The following TTC28 variants were observed in gnomAD, a reference collection of about 807,000 sequenced individuals.
TTC28 encodes tetratricopeptide repeat domain 28.
Under a neutral mutation model 198.0 loss-of-function variants are expected in TTC28, and 61 were observed. The ratio of observed to expected loss-of-function variants is 0.31; its 90% CI spans 0.25 to 0.38. The LOEUF (loss-of-function observed/expected upper bound fraction) is 0.38. TTC28 is among the 10% of genes least tolerant of loss of function. The probability of loss-of-function intolerance (pLI) is 1.00; values close to 1 mark genes in which losing one functional copy is unlikely to be tolerated. For missense variants in TTC28, 2,678 were observed against 3,164.0 expected, an observed-to-expected ratio of 0.85 and a Z score of 3.69; for synonymous variants, 1,171 against 1,297.8, an observed-to-expected ratio of 0.90 and a Z score of 2.10.
At chr22:28,629,486 C>T in intron 2 of TTC28, 66 bp downstream of exon 2, 1 of 1,416,772 alleles carries the variant, frequency 7.1e-7, no homozygotes. Context: ...CAAAATATTA[C>T]ATTAAAGTAA....
chr22:28,073,008 G>T (rs1941049424), intron 12 of TTC28, among the ~76,000 whole-genome samples: 1 of 152,164 alleles, frequency 6.6e-6, no homozygotes, highest in African/African-American at 2.4e-5. Flanking sequence ...AGGTGGCCAG[G>T]CTAGTTCTGT....
At chr22:28,618,341 T>C (rs2050934947) in intron 2 of TTC28, among the ~76,000 whole-genome samples, 1 of 152,032 alleles carries the variant, frequency 6.6e-6, no homozygotes, top group South Asian at 2.1e-4. Flanking sequence ...TGATTTTTTA[T>C]AGAGCAAAAG....
chr22:28,581,025 T>A (rs1205994517), intron 2 of TTC28, among the ~76,000 whole-genome samples: 1 of 152,186 alleles, frequency 6.6e-6, no homozygotes, highest in African/African-American at 2.4e-5. Flanking sequence ...ATTTTATACA[T>A]CCAATATGGT....
At chr22:28,476,370 G>GGA (rs752197920) in intron 2 of TTC28, among the ~76,000 whole-genome samples, 1 of 152,166 alleles carries the variant, frequency 6.6e-6, no homozygotes, top group East Asian at 1.9e-4. Context: ...TCTTGTCAAT[G>GGA]GACAACTGGG....
At position 28,154,349 on chromosome 22, in the gene TTC28, TC is replaced by T. The variant is rs1569166100; in HGVS notation, c.1441+8742del. ...TTTTTTTTTTTCTTTTCTTTTCTTT[TC>T]TTTTTCTTTTTTTTTTTTTGAGACA... On this transcript the variant is annotated intron_variant, in intron 6 of 22. Coordinates refer to ENST00000397906, the MANE Select transcript of TTC28 (RefSeq NM_001145418.2). Among the ~76,000 whole-genome samples the T allele has an allele frequency of 7.7e-4, 117 of 151,340 alleles. 1 individual carries two copies. Among genetic ancestry groups the T allele is most frequent in the African/African-American group, 2.7e-3 (111 of 41,258 alleles).
intron 2 of TTC28, among the ~76,000 whole-genome samples, chr22:28,396,391 A>G (rs2046816240): frequency 1.3e-5 from 2 of 152,216 alleles, no homozygotes; most frequent in Non-Finnish European, 2.9e-5. Context: ...ACTGGGCCAC[A>G]TAGCTCAACT....
intron 2 of TTC28, among the ~76,000 whole-genome samples, chr22:28,601,968 C>G (rs1168246779): frequency 6.7e-6 from 1 of 150,234 alleles, no homozygotes; most frequent in East Asian, 1.9e-4. Flanking sequence ...TAGACACAAG[C>G]ACAAAAATAT....
chr22:28,081,140 T>G (rs1941340951), intron 12 of TTC28, among the ~76,000 whole-genome samples: 1 of 127,564 alleles, frequency 7.8e-6, no homozygotes, highest in Admixed American at 8.9e-5. Context: ...ATATACATAA[T>G]ATGGACATAC....
At chr22:28,106,080 A>G (rs1332326929) in intron 7 of TTC28, among the ~76,000 whole-genome samples, 1 of 152,246 alleles carries the variant, frequency 6.6e-6, no homozygotes, top group Non-Finnish European at 1.5e-5. Context: ...ATTAATAGGC[A>G]CAATGATAGC....
At chr22:28,279,834 G>A (rs563755355) in intron 5 of TTC28, among the ~76,000 whole-genome samples, 47 of 152,254 alleles carry the variant, frequency 3.1e-4, no homozygotes, top group Admixed American at 5.9e-4. Context: ...TTTTCGCTAC[G>A]GATTAGTTTT....
At chr22:28,508,582 G>A (rs1454830590) in intron 2 of TTC28, among the ~76,000 whole-genome samples, 1 of 151,968 alleles carries the variant, frequency 6.6e-6, no homozygotes, top group Non-Finnish European at 1.5e-5. Flanking sequence ...ACCATGCCCA[G>A]CCCACAAAAC....
intron 1 of TTC28, among the ~76,000 whole-genome samples, chr22:28,639,782 G>A (rs1036817134): frequency 2.6e-5 from 4 of 152,040 alleles, no homozygotes; most frequent in East Asian, 1.9e-4. Context: ...GCCCAGTTTC[G>A]GGTATGTCTT....
chr22:28,341,036 C>T (rs1322551798), intron 2 of TTC28, among the ~76,000 whole-genome samples: 1 of 152,170 alleles, frequency 6.6e-6, no homozygotes, highest in Non-Finnish European at 1.5e-5. Context: ...AAGGGTACAA[C>T]ATGTAGCATC....
chr22:28,076,788 C>T (rs1301730660), intron 12 of TTC28, among the ~76,000 whole-genome samples: 4 of 152,134 alleles, frequency 2.6e-5, no homozygotes, highest in African/African-American at 7.2e-5. Context: ...TAAACATGCA[C>T]TAAACCACTA....
At chr22:28,058,649 G>A (rs915751113) in intron 12 of TTC28, among the ~76,000 whole-genome samples, 2 of 151,956 alleles carry the variant, frequency 1.3e-5, no homozygotes, top group African/African-American at 2.4e-5. Flanking sequence ...AAGTGGAAGT[G>A]GTTCCTCCTC....
At chr22:28,515,229 G>C (rs2048761755) in intron 2 of TTC28, among the ~76,000 whole-genome samples, 1 of 151,996 alleles carries the variant, frequency 6.6e-6, no homozygotes, top group Admixed American at 6.6e-5. Context: ...CTAATTTAAA[G>C]TTAAACATCC....
intron 2 of TTC28, among the ~76,000 whole-genome samples, chr22:28,413,814 T>C (rs2047126828): frequency 1.3e-5 from 2 of 152,178 alleles, no homozygotes; most frequent in Admixed American, 6.5e-5. Flanking sequence ...TTAATGATGA[T>C]ACAGCAAAAT....
intron 5 of TTC28, among the ~76,000 whole-genome samples, chr22:28,275,000 AG>A (rs1342605559): frequency 4.2e-5 from 6 of 142,450 alleles, no homozygotes; most frequent in East Asian, 4.1e-4. Flanking sequence ...AAAAAAAAAA[AG>A]AGAGAGAGAG....
At chr22:28,647,529 A>G (rs1390466584) in intron 1 of TTC28, among the ~76,000 whole-genome samples, 1 of 152,122 alleles carries the variant, frequency 6.6e-6, no homozygotes, top group African/African-American at 2.4e-5. Flanking sequence ...ATCAAGAAAA[A>G]CACAATCCCA....
Sources: allele counts gnomAD v4.1 joint callset (sites outside exome capture counted in the v4.1 genomes callset), GRCh38; gene constraint gnomAD v4.1.1; transcripts MANE v1.5; gene names NCBI Gene and HGNC (gene_info 2026-07-23, HGNC 2026-07-21).